GRB10: variants seen among roughly 807,000 people sequenced by gnomAD.
GRB10 encodes the protein growth factor receptor bound protein 10, also known as growth factor receptor-bound protein 10.
GRB10 carries 20 observed loss-of-function variants against 80.9 expected under a neutral mutation model. The observed-to-expected ratio is 0.25, with a 90% CI of 0.17 to 0.36. GRB10 has a LOEUF of 0.36. GRB10 is among the 10% of genes least tolerant of loss of function. The probability of loss-of-function intolerance (pLI) is 1.00; values close to 1 mark genes in which losing one functional copy is unlikely to be tolerated. For synonymous variants in GRB10, 291 were observed against 291.5 expected (o/e 1.00, Z 0.02); for missense variants, 548 against 747.7 (o/e 0.73, Z 3.12).
At chr7:50,790,452 T>C (rs571899667) in intron 1 of GRB10, among the ~76,000 whole-genome samples, 1 of 152,374 alleles carries the variant, frequency 6.6e-6, no homozygotes, top group South Asian at 2.1e-4. Context: ...GACTGATTAC[T>C]CAAATGAAAG....
chr7:50,659,724 A>G (rs572996226), intron 7 of GRB10, among the ~76,000 whole-genome samples: 1 of 152,342 alleles, frequency 6.6e-6, no homozygotes, highest in East Asian at 1.9e-4. Context: ...AGCATATTAC[A>G]GGACCATAAG....
At chr7:50,657,101 C>T (rs1300520492) in intron 7 of GRB10, among the ~76,000 whole-genome samples, 1 of 152,130 alleles carries the variant, frequency 6.6e-6, no homozygotes, top group Non-Finnish European at 1.5e-5. Context: ...AGGAAGACCA[C>T]ACTAAGAAAC....
intron 5 of GRB10, among the ~76,000 whole-genome samples, chr7:50,676,335 CGGGGG>C (rs3040026): frequency 1.1e-5 from 1 of 93,204 alleles, no homozygotes; most frequent in African/African-American, 3.6e-5. Context: ...TCCACCCCAC[CGGGGG>C]GGGGGGGGGG....
intron 4 of GRB10, among the ~76,000 whole-genome samples, chr7:50,708,297 AATAG>A (rs61239036): frequency 0.074 from 11,212 of 152,192 alleles, 1,397 homozygotes; most frequent in African/African-American, 0.26. Flanking sequence ...TCTTTAATTC[AATAG>A]ATAGACACTT....
chr7:50,642,776 C>T (rs1447810253), intron 7 of GRB10, among the ~76,000 whole-genome samples: 1 of 152,158 alleles, frequency 6.6e-6, no homozygotes, highest in Non-Finnish European at 1.5e-5. Flanking sequence ...CACGCATAGA[C>T]ACATACATAC....
At chr7:50,690,350 T>C (rs2062671157) in intron 5 of GRB10, among the ~76,000 whole-genome samples, 1 of 151,372 alleles carries the variant, frequency 6.6e-6, no homozygotes, top group South Asian at 2.1e-4. Context: ...GAAAAAAAGG[T>C]TAATTTAGGC....
chr7:50,692,343 A>AT (rs992374884), intron 5 of GRB10, among the ~76,000 whole-genome samples: 4 of 152,254 alleles, frequency 2.6e-5, no homozygotes, highest in Admixed American at 6.5e-5. Flanking sequence ...AATCTTCAAG[A>AT]TTTTTTGTGG....
At chr7:50,693,290 C>T (rs1002231041) in intron 5 of GRB10, among the ~76,000 whole-genome samples, 1 of 152,096 alleles carries the variant, frequency 6.6e-6, no homozygotes, top group African/African-American at 2.4e-5. Context: ...TAATTTTGGT[C>T]TTTTCCTCTT....
At chr7:50,725,092 G>A (rs1213035498) in intron 4 of GRB10, among the ~76,000 whole-genome samples, 1 of 152,104 alleles carries the variant, frequency 6.6e-6, no homozygotes, top group Non-Finnish European at 1.5e-5. Flanking sequence ...CTGTAATGGC[G>A]ACTGATATGG....
At chr7:50,712,799 C>A (rs1409505337) in intron 4 of GRB10, among the ~76,000 whole-genome samples, 1 of 152,164 alleles carries the variant, frequency 6.6e-6, no homozygotes, top group African/African-American at 2.4e-5. Flanking sequence ...AGGAGTCTAT[C>A]AATCATTTAC....
rs1239315531 is a variant in GRB10, at chr7:50,782,604, C to G, written c.-507G>C. 1 of 151,326 alleles carries G rather than the reference C, an allele frequency of 6.6e-6. No individual in the cohort carries two copies. Among genetic ancestry groups the G allele is most frequent in the South Asian group, 2.1e-4 (1 of 4,836 alleles). The allele number at this position is 151,326 out of a possible 1,614,324, so 9.4% of individuals were successfully genotyped here. ...CTCCGCCCCGGCCAGGGGCCTGCGG[C>G]GCAGAAAACCGACCCGGGGCCTCGG... On this transcript the variant is annotated 5_prime_UTR_variant, in exon 1 of 19. Coordinates refer to ENST00000401949, the MANE Select transcript of GRB10 (RefSeq NM_001350814.2). This position sits in a 1 kb window ranked among gnomAD's most constrained non-coding sequence, Gnocchi z 6.6.
intron 7 of GRB10, among the ~76,000 whole-genome samples, chr7:50,664,446 CT>C (rs765077033): frequency 7.8e-4 from 119 of 152,334 alleles, no homozygotes; most frequent in Non-Finnish European, 1.5e-3. Flanking sequence ...GCCAGCCCAC[CT>C]GCCAGGGTCC....
At chr7:50,712,788 G>C (rs906510044) in intron 4 of GRB10, among the ~76,000 whole-genome samples, 1 of 152,190 alleles carries the variant, frequency 6.6e-6, no homozygotes, top group Admixed American at 6.5e-5. Context: ...TTCACAAGGG[G>C]AGGAGTCTAT....
intron 7 of GRB10, among the ~76,000 whole-genome samples, chr7:50,655,559 A>C (rs3807546): frequency 0.23 from 34,315 of 152,172 alleles, 4,841 homozygotes; most frequent in Middle Eastern, 0.48. Context: ...TCAGCTGTCC[A>C]ACTTCACTCC....
In GRB10 at chr7:50,604,305, G is replaced by A. The variant is rs2048134706; in HGVS notation, c.1456+6C>T. 1.9e-6 allele frequency: 3 copies of A among 1,607,814 alleles called. No homozygotes were observed. On this transcript the variant is annotated splice_donor_region_variant and intron_variant, in intron 16 of 18. Coordinates refer to ENST00000401949, the MANE Select transcript of GRB10 (RefSeq NM_001350814.2). ...ACAAAAACATCAGGCAATGTGCCCT[G>A]TTTACCTGTACTTAGGGTAGAAGGG...
At chr7:50,645,481 G>T in intron 7 of GRB10, 1 of 416,436 alleles carries the variant, frequency 2.4e-6, no homozygotes, top group Non-Finnish European at 3.2e-6. Context: ...CAAAAACACT[G>T]CCATTTGGGC....
intron 8 of GRB10, among the ~76,000 whole-genome samples, chr7:50,626,452 G>A (rs1212836341): frequency 2.0e-5 from 3 of 152,150 alleles, no homozygotes; most frequent in Non-Finnish European, 4.4e-5. Flanking sequence ...CCTGTGCATG[G>A]CCAGCTCTCT....
chr7:50,715,654 C>T (rs1338922629), intron 4 of GRB10, among the ~76,000 whole-genome samples: 1 of 152,170 alleles, frequency 6.6e-6, no homozygotes, highest in East Asian at 1.9e-4. Context: ...GACCATATGA[C>T]GTCTAAACTT....
At chr7:50,639,990 G>A (rs2055914093) in intron 7 of GRB10, among the ~76,000 whole-genome samples, 1 of 152,192 alleles carries the variant, frequency 6.6e-6, no homozygotes, top group Non-Finnish European at 1.5e-5. Flanking sequence ...TTAAAGGGGA[G>A]CAAAGATAAG....
Sources: gnomAD v4.1 joint callset for allele counts (sites outside exome capture counted in the v4.1 genomes callset) on GRCh38, gnomAD v4.1.1 for gene constraint, Gnocchi (gnomAD v3.1) non-coding constraint, MANE v1.5 for transcripts, NCBI Gene and HGNC (gene_info 2026-07-23, HGNC 2026-07-21) for gene names.